ADAMTS7: variants seen among roughly 807,000 people sequenced by gnomAD.
The protein encoded by ADAMTS7 is ADAM metallopeptidase with thrombospondin type 1 motif 7.
Under a neutral mutation model 172.6 loss-of-function variants are expected in ADAMTS7, and 89 were observed. The ratio of observed to expected loss-of-function variants is 0.52; its 90% CI spans 0.43 to 0.61. The LOEUF (loss-of-function observed/expected upper bound fraction) is 0.61, where lower values mean the gene tolerates loss of function less well. Ranked by LOEUF, ADAMTS7 falls within the 20% of genes least tolerant of loss-of-function variation. The pLI, the probability that ADAMTS7 is intolerant of heterozygous loss-of-function variation, is 0.00. For missense variants in ADAMTS7, 1,973 were observed against 2,355.6 expected, an observed-to-expected ratio of 0.84 and a Z score of 3.36; for synonymous variants, 885 against 978.4, an observed-to-expected ratio of 0.90 and a Z score of 1.78.
At chr15:78,782,713 C>A (rs1219338618) in intron 8 of ADAMTS7, among the ~76,000 whole-genome samples, 1 of 152,044 alleles carries the variant, frequency 6.6e-6, no homozygotes, top group Non-Finnish European at 1.5e-5. Flanking sequence ...GGAGGAACCA[C>A]CCAGAAGGAG....
intron 23 of ADAMTS7, among the ~76,000 whole-genome samples, chr15:78,761,705 C>A (rs1250768359): frequency 6.6e-6 from 1 of 152,134 alleles, no homozygotes; most frequent in African/African-American, 2.4e-5. Flanking sequence ...GCAGCTGGGG[C>A]TGCAGGAAGG....
chr15:78,767,426 G>A lies in ADAMTS7; in HGVS notation c.2812C>T (p.Arg938Cys), dbSNP rs200298365. The stretch of plus-strand genomic sequence containing the variant: ...CAGGTGGCCGGACAGGGTACATGGC[G>A]GTTGCAAGGGGTTTCAGTAGGGGGC... ...PRPPTETPCN[R>C]HVPCPATWAV... Residue 938 changes from arginine (R) to cysteine (C), a missense_variant, in exon 18 of 24, where the codon CGC (arginine) becomes TGC (cysteine). By Grantham distance (180) the Arg-to-Cys change is radical. This residue lies in a region of ADAMTS7 where 771 missense variants were observed against 952.6 expected (regional missense o/e 0.81). Coordinates refer to ENST00000388820, the MANE Select transcript of ADAMTS7 (RefSeq NM_014272.5). 7.6e-5 allele frequency: 123 copies of A among 1,611,850 alleles called. No individual in the cohort carries two copies. Among genetic ancestry groups the A allele is most frequent in the Non-Finnish European group, 8.8e-5 (104 of 1,179,826 alleles).
rs1173107868 is a variant in ADAMTS7, at chr15:78,764,630, G to A, written c.4344C>T (p.Pro1448=). The change falls in exon 20 of 24, where the codon CCC becomes CCT. Residue 1448 remains proline (P), a synonymous_variant. Transcript: ENST00000388820. ...GGCGGGCAGGCTGGGGCCGGCCAGC[G>A]GGGGCGCAGTCCTCATCCCGGCCGG... ...CSSGRDEDCA[P]AGRPQPARRC... 2.3e-5 allele frequency: 36 copies of A among 1,558,244 alleles called. No homozygotes were observed. Among genetic ancestry groups the A allele is most frequent in the Admixed American group, 3.7e-5 (2 of 53,416 alleles).
chr15:78,777,036 G>C (rs1373933753), intron 9 of ADAMTS7, 195 bp from the exon 10 acceptor site: 1 of 598,476 alleles, frequency 1.7e-6, no homozygotes, highest in Non-Finnish European at 3.0e-6. Context: ...GGGCGCCCGG[G>C]GCTGCGCTGC....
At chr15:78,801,000 C>T (rs1460612603) in intron 1 of ADAMTS7, among the ~76,000 whole-genome samples, 1 of 152,120 alleles carries the variant, frequency 6.6e-6, no homozygotes, top group Non-Finnish European at 1.5e-5. Context: ...CTCGGCCTCC[C>T]AAAGTGCTGC....
At chr15:78,787,022 C>A (rs1269040689) in intron 8 of ADAMTS7, among the ~76,000 whole-genome samples, 1 of 152,142 alleles carries the variant, frequency 6.6e-6, no homozygotes, top group Non-Finnish European at 1.5e-5. Flanking sequence ...ATTTCAATAA[C>A]ATTTGCTTTT....
intron 8 of ADAMTS7, among the ~76,000 whole-genome samples, chr15:78,780,556 G>T (rs952408499): frequency 2.0e-5 from 3 of 151,564 alleles, no homozygotes; most frequent in Non-Finnish European, 4.4e-5. Flanking sequence ...GGTCCAAGTT[G>T]ACACTGGTGA....
chr15:78,793,545 C>A (rs562531867), intron 4 of ADAMTS7, among the ~76,000 whole-genome samples: 169 of 152,138 alleles, frequency 1.1e-3, no homozygotes, highest in Non-Finnish European at 1.9e-3. Flanking sequence ...CTTTTTTTAA[C>A]CCTGTGTGGC....
chr15:78,799,234 A>C (rs1300277217), intron 2 of ADAMTS7, among the ~76,000 whole-genome samples: 4 of 143,640 alleles, frequency 2.8e-5, no homozygotes, highest in Non-Finnish European at 6.2e-5. Context: ...TGAGCAATCT[A>C]AGCTGAGGGC....
In ADAMTS7 at chr15:78,766,081, C is replaced by T. The variant is rs775185623; in HGVS notation, c.3830G>A (p.Gly1277Glu). 1.2e-6 allele frequency: 2 copies of T among 1,610,442 alleles called. No homozygotes were observed. The highest frequency in any genetic ancestry group is 1.1e-5 in the South Asian group (1 of 90,992). The change falls in exon 19 of 24, where the codon GGG (glycine) becomes GAG (glutamate). Residue 1277 changes from glycine (G) to glutamate (E), a missense_variant. By Grantham distance (98) the Gly-to-Glu change is moderately conservative. Transcript: ENST00000388820. ...AWEPALEGGL[G>E]PVDSELWPTV... ...GGGCCACAGTTCACTGTCCACAGGC[C>T]CCAGGCCACCCTCCAGAGCTGGCTC...
At chr15:78,807,211 C>G (rs2055809149) in intron 1 of ADAMTS7, among the ~76,000 whole-genome samples, 1 of 152,190 alleles carries the variant, frequency 6.6e-6, no homozygotes, top group Non-Finnish European at 1.5e-5. Flanking sequence ...CTACATGACA[C>G]TCTTTTAGGC....
At chr15:78,775,522 G>A (rs75716787) in intron 11 of ADAMTS7, among the ~76,000 whole-genome samples, 88,931 of 150,160 alleles carry the variant, frequency 0.59, 28,048 homozygotes, top group East Asian at 0.78. Context: ...ACTTGCCTCT[G>A]CTTCTCACCA....
chr15:78,769,915 A>C (rs1596177855), intron 16 of ADAMTS7, among the ~76,000 whole-genome samples: 1 of 152,250 alleles, frequency 6.6e-6, no homozygotes, highest in African/African-American at 2.4e-5. Flanking sequence ...TAATCCCAGC[A>C]CTATGGGAAG....
At chr15:78,800,660 G>A (rs1445062384) in intron 1 of ADAMTS7, 113 bp from the exon 2 acceptor site, 1 of 955,574 alleles carries the variant, frequency 1.0e-6, no homozygotes, top group African/African-American at 1.6e-5. Context: ...AGAGTATCTG[G>A]ATTCAAATCC....
intron 14 of ADAMTS7, among the ~76,000 whole-genome samples, chr15:78,772,816 T>A (rs76321846): frequency 0.27 from 41,659 of 152,052 alleles, 5,876 homozygotes; most frequent in South Asian, 0.42. Flanking sequence ...AGACTACCAT[T>A]CTTTGGAAGG....
chr15:78,804,492 C>T lies in ADAMTS7; in HGVS notation c.101-3945G>A, dbSNP rs571498901. 7.9e-5 allele frequency among the ~76,000 whole-genome samples: 12 copies of T among 152,336 alleles called. No individual in the cohort carries two copies. The South Asian group carries it at 2.5e-3, about 32-fold the overall frequency. On this transcript the variant is annotated intron_variant, in intron 1 of 23. Coordinates refer to ENST00000388820, the MANE Select transcript of ADAMTS7 (RefSeq NM_014272.5). ...AGACTCTTCAGGCTCGCATGAATGC[C>T]TGAGCGCCCTGCTGACATCCCACCA...
At chr15:78,784,209 TA>T (rs2055470146) in intron 8 of ADAMTS7, among the ~76,000 whole-genome samples, 1 of 151,378 alleles carries the variant, frequency 6.6e-6, no homozygotes, top group Admixed American at 6.6e-5. Context: ...AATTAAAAAT[TA>T]AAAAATTAGC....
intron 4 of ADAMTS7, among the ~76,000 whole-genome samples, chr15:78,796,147 T>C (rs900218604): frequency 6.6e-6 from 1 of 152,198 alleles, no homozygotes; most frequent in Non-Finnish European, 1.5e-5. Context: ...CTAACTGTAA[T>C]GTGTGCTGAT....
rs1169844722 is a variant in ADAMTS7, at chr15:78,788,301, G to GT, written c.1251dup (p.Gln418ThrfsTer24). 1 of 1,613,820 alleles carries GT rather than the reference G, an allele frequency of 6.2e-7. No individual in the cohort carries two copies. Among genetic ancestry groups the GT allele is most frequent in the South Asian group, 1.1e-5 (1 of 91,072 alleles). ...AGGGGAGCGGCGTCGTACAGGAGCTGTGGAGACATGATGAAAGGTCGTTTC... is the reference window on the plus strand; with the variant it reads ...AGGGGAGCGGCGTCGTACAGGAGCTGTTGGAGACATGATGAAAGGTCGTTTC... On this transcript the variant is annotated frameshift_variant, in exon 8 of 24. Coordinates refer to ENST00000388820, the MANE Select transcript of ADAMTS7 (RefSeq NM_014272.5). LOFTEE classifies it high-confidence loss of function.
Sources: allele counts gnomAD v4.1 joint callset (sites outside exome capture counted in the v4.1 genomes callset), GRCh38; gene constraint gnomAD v4.1.1; regional missense constraint gnomAD v4.1.1; transcripts MANE v1.5; gene names NCBI Gene and HGNC (gene_info 2026-07-23, HGNC 2026-07-21).